MAF1: variants seen among roughly 807,000 people sequenced by gnomAD.
MAF1 encodes the protein MAF1 negative regulator of RNA polymerase III, also known as repressor of RNA polymerase III transcription MAF1 homolog.
In MAF1, 7 loss-of-function variants were observed where a neutral mutation model predicts 31.9. The ratio of observed to expected loss-of-function variants is 0.22; its 90% CI spans 0.12 to 0.41. MAF1 has a LOEUF of 0.41. Among genes scored for constraint, MAF1 ranks in the 10% least tolerant of loss-of-function variants. MAF1 has a pLI of 1.00. For missense variants in MAF1, 221 were observed against 323.1 expected (o/e 0.68, Z 2.42); for synonymous variants, 157 against 120.0 (o/e 1.31, Z -2.02).
At chr8:144,106,987 G>A (rs375768214) in intron 7 of MAF1, 24 bp downstream of exon 7, 33 of 1,545,758 alleles carry the variant, frequency 2.1e-5, no homozygotes, top group Middle Eastern at 1.7e-4. Flanking sequence ...GCCATGACCC[G>A]GGTCCTTGAA....
At chr8:144,105,421 G>A (rs367915936) in intron 1 of MAF1, 1 of 525,560 alleles carries the variant, frequency 1.9e-6, no homozygotes, top group Non-Finnish European at 3.4e-6. Flanking sequence ...TGTTCTGCAG[G>A]GGGTATGGCT....
Position 144,105,529 on chromosome 8 carries a change from A to G in MAF1, c.-44-111A>G, listed in dbSNP as rs1587618253. 8 of 645,188 alleles carry G rather than the reference A, an allele frequency of 1.2e-5. No individual in the cohort carries two copies. The East Asian group carries it at 2.2e-4, about 17-fold the overall frequency. 40.0% of individuals were successfully genotyped at this position (645,188 alleles called of 1,614,324 possible). A position where few individuals can be genotyped will look rare whatever the true frequency, so the allele number is the denominator to read the frequency against. On this transcript the variant is annotated intron_variant, in intron 1 of 7. Coordinates refer to ENST00000322428, the MANE Select transcript of MAF1 (RefSeq NM_032272.5). ...GGAGCTCCTGATGTGCAGCCTGGAC[A>G]GAGGCCAGACTCAGCTTGTTCCTAG...
Position 144,106,914 on chromosome 8 carries a change from A to C in MAF1, c.700A>C (p.Arg234=). Residue 234 remains arginine (R), a synonymous_variant, in exon 7 of 8, where the codon AGA becomes CGA. Transcript: ENST00000322428. ...LGEEEVEEES[R]SGGSGAEETS... ...GGAGGAGGAGGTGGAGGAAGAAAGCAGAAGCGGGGGCAGTGGGGCCGAGGA... is the reference window on the plus strand; with the variant it reads ...GGAGGAGGAGGTGGAGGAAGAAAGCCGAAGCGGGGGCAGTGGGGCCGAGGA... 2.0e-6 allele frequency: 3 copies of C among 1,527,320 alleles called. No homozygotes were observed. The highest frequency in any genetic ancestry group is 2.6e-6 in the Non-Finnish European group (3 of 1,139,932). 94.6% of individuals were successfully genotyped at this position (1,527,320 alleles called of 1,614,324 possible).
At chr8:144,105,795 C>T (rs1377811004) in intron 2 of MAF1, 29 bp downstream of exon 2, 7 of 1,612,472 alleles carry the variant, frequency 4.3e-6, no homozygotes, top group East Asian at 2.2e-5. Flanking sequence ...GCTGGCATCT[C>T]GGAGGTCACA....
chr8:144,107,273 G>A lies in MAF1; in HGVS notation c.*164G>A, dbSNP rs1168004721. 4 of 874,314 alleles carry A rather than the reference G, an allele frequency of 4.6e-6. No individual in the cohort carries two copies. The highest frequency in any genetic ancestry group is 1.5e-5 in the South Asian group (1 of 66,554). The allele number at this position is 874,314 out of a possible 1,614,324, so 54.2% of individuals were successfully genotyped here. ...CTGCCTAGCCCTTTGGCTCCATCCT[G>A]TGGATGCCCACTCACCCCTCAGACT... On this transcript the variant is annotated 3_prime_UTR_variant, in exon 8 of 8. Coordinates refer to ENST00000322428, the MANE Select transcript of MAF1 (RefSeq NM_032272.5).
intron 1 of MAF1, 117 bp from the exon 2 acceptor site, chr8:144,105,523 C>T (rs764610896): frequency 1.3e-4 from 84 of 635,118 alleles, no homozygotes; most frequent in Non-Finnish European, 2.2e-4. Context: ...GATGTGCAGC[C>T]TGGACAGAGG....
rs1836368071 is a variant in MAF1 at position 144,104,498 on chromosome 8, T to G, written c.-405T>G. 1 of 151,966 alleles carries G rather than the reference T, an allele frequency of 6.6e-6. No homozygotes were observed. Among genetic ancestry groups the G allele is most frequent in the South Asian group, 2.1e-4 (1 of 4,824 alleles). 9.4% of individuals were successfully genotyped at this position (151,966 alleles called of 1,614,324 possible). A position where few individuals can be genotyped will look rare whatever the true frequency, so the allele number is the denominator to read the frequency against. ...GGGGCCGGGCCCGGCGGACGCTTGT[T>G]GTTGTCCGGCCGGGGGAGGCGGAGG... is the stretch of plus-strand genomic sequence containing the variant. On this transcript the variant is annotated 5_prime_UTR_variant, in exon 1 of 8. Coordinates refer to ENST00000322428, the MANE Select transcript of MAF1 (RefSeq NM_032272.5).
chr8:144,106,229 C>T lies in MAF1; in HGVS notation c.366C>T (p.Pro122=). The T allele has an allele frequency of 6.2e-7, 1 of 1,613,770 alleles. No individual in the cohort carries two copies. Among genetic ancestry groups the T allele is most frequent in the Non-Finnish European group, 8.5e-7 (1 of 1,180,030 alleles). Residue 122 remains proline (P), a synonymous_variant, in exon 4 of 8, where the codon CCC becomes CCT. Coordinates refer to ENST00000322428, the MANE Select transcript of MAF1 (RefSeq NM_032272.5). The part of the protein sequence containing the change: ...TARSHEFSRE[P]SLSWVVNAVN... ...GCAGCCATGAGTTCAGCCGGGAGCC[C>T]AGCCTTAGCTGGGTGAGGGTCAGGT...
intron 2 of MAF1, 29 bp downstream of exon 2, chr8:144,105,795 C>G: frequency 6.2e-7 from 1 of 1,612,590 alleles, no homozygotes; most frequent in Non-Finnish European, 8.5e-7. Flanking sequence ...GCTGGCATCT[C>G]GGAGGTCACA....
In MAF1 at chr8:144,107,236, C is replaced by T; in HGVS notation, c.*127C>T. The T allele has an allele frequency of 8.1e-7, 1 of 1,234,100 alleles. No individual in the cohort carries two copies. 76.4% of individuals were successfully genotyped at this position (1,234,100 alleles called of 1,614,324 possible). ...GGCGCTGCCACAGTCCTGGCACTGC[C>T]CAAGGCCATACCTGCCTAGCCCTTT... On this transcript the variant is annotated 3_prime_UTR_variant, in exon 8 of 8. Transcript: ENST00000322428.
rs979137367 is a variant in MAF1 at position 144,107,352 on chromosome 8, C to T, written c.*243C>T. ...TCAGCAGGGGGCCTGGTGGGAGGAG[C>T]GACTGCCCTGCCCAAATGAACTGCC... On this transcript the variant is annotated 3_prime_UTR_variant, in exon 8 of 8. Coordinates refer to ENST00000322428, the MANE Select transcript of MAF1 (RefSeq NM_032272.5). The T allele has an allele frequency of 3.8e-5, 23 of 606,698 alleles. No homozygotes were observed. Among genetic ancestry groups the T allele is most frequent in the Non-Finnish European group, 6.4e-5 (22 of 341,276 alleles). 37.6% of individuals were successfully genotyped at this position (606,698 alleles called of 1,614,324 possible).
In MAF1 at chr8:144,107,094, A is replaced by G. The variant is rs1318554794; in HGVS notation, c.756A>G (p.Pro252=). Residue 252 remains proline, a synonymous_variant, in exon 8 of 8, where the codon CCA becomes CCG. Transcript: ENST00000322428. ...ETSTMEEDRV[P]VICI ...TGTGCCAACCTCCGCCCAGGGTCCC[A>G]GTGATCTGTATTTGATGAGGAGGAG... 3 of 1,572,876 alleles carry G rather than the reference A, an allele frequency of 1.9e-6. No individual in the cohort carries two copies. In the Admixed American group the frequency reaches 5.5e-5, roughly 29 times the overall value.
rs1587617519 is a variant in MAF1 at position 144,104,854 on chromosome 8, G to C, written c.-49G>C. On this transcript the variant is annotated 5_prime_UTR_variant, in exon 1 of 8. Coordinates refer to ENST00000322428, the MANE Select transcript of MAF1 (RefSeq NM_032272.5). The stretch of plus-strand genomic sequence containing the variant: ...GGCGCGGCCTGATCTAACCCAGCCA[G>C]GCAGGTGGGTGTCCGCCCTGCGTCC... 6.6e-6 allele frequency: 1 copy of C among 152,294 alleles called. No homozygotes were observed. Among genetic ancestry groups the C allele is most frequent in the Non-Finnish European group, 1.5e-5 (1 of 68,106 alleles). The allele number at this position is 152,294 out of a possible 1,614,324, so 9.4% of individuals were successfully genotyped here.
chr8:144,106,307 C>G, intron 4 of MAF1, 36 bp from the exon 5 acceptor site: 14 of 1,612,726 alleles, frequency 8.7e-6, no homozygotes, highest in Non-Finnish European at 1.2e-5. Flanking sequence ...TTGGGTAGCC[C>G]TGGGCTCCTG....
rs764592105 is a variant in MAF1 at position 144,107,421 on chromosome 8, A to G, written c.*312A>G. The G allele has an allele frequency of 9.9e-5, 57 of 577,786 alleles. No individual in the cohort carries two copies. The highest frequency in any genetic ancestry group is 1.5e-4 in the Non-Finnish European group (50 of 322,714). 35.8% of individuals were successfully genotyped at this position (577,786 alleles called of 1,614,324 possible). ...CCGCAGAGTTTATTTTTGTATTTCT[A>G]CTGGGCCTGCACACTCCAGCCCAAA... On this transcript the variant is annotated 3_prime_UTR_variant, in exon 8 of 8. Transcript: ENST00000322428.
Position 144,105,656 on chromosome 8 carries a change from T to G in MAF1, c.-28T>G, listed in dbSNP as rs1381366323. 1 of 1,603,616 alleles carries G rather than the reference T, an allele frequency of 6.2e-7. No homozygotes were observed. The highest frequency in any genetic ancestry group is 1.3e-5 in the African/African-American group (1 of 74,740). On this transcript the variant is annotated 5_prime_UTR_variant, in exon 2 of 8. Transcript: ENST00000322428. Reference sequence around the variant, plus strand: ...ACTCCCCAGGCAATACTAGCCCCTCTGGAGCACGGAGCTCCTTCCCCAAAG... The same window carrying G: ...ACTCCCCAGGCAATACTAGCCCCTCGGGAGCACGGAGCTCCTTCCCCAAAG...
intron 1 of MAF1, chr8:144,105,428 G>A: frequency 1.8e-6 from 1 of 544,330 alleles, no homozygotes; most frequent in Non-Finnish European, 3.3e-6. Context: ...CAGGGGGTAT[G>A]GCTGACCTGG....
Position 144,106,429 on chromosome 8 carries a change from C to T in MAF1, c.465C>T (p.Asp155=), listed in dbSNP as rs145544925. ...AACCACAGCTGTGGAACGCGGTGGACGAGGAGATCTGCCTGGCTGAATGTG... is the reference window on the plus strand; with the variant it reads ...AACCACAGCTGTGGAACGCGGTGGATGAGGAGATCTGCCTGGCTGAATGTG... ...DLKPQLWNAV[D]EEICLAECDI... is the part of the protein sequence containing the mutation. Residue 155 remains aspartate (D), a synonymous_variant, in exon 5 of 8, where the codon GAC becomes GAT. Coordinates refer to ENST00000322428, the MANE Select transcript of MAF1 (RefSeq NM_032272.5). 3.4e-5 allele frequency: 55 copies of T among 1,613,976 alleles called. No individual in the cohort carries two copies. In the Admixed American group the frequency reaches 4.8e-4, roughly 14 times the overall value.
chr8:144,106,706 C>T, intron 6 of MAF1, 32 bp downstream of exon 6: 1 of 1,603,188 alleles, frequency 6.2e-7, no homozygotes, highest in Non-Finnish European at 8.5e-7. Context: ...CCCCACCTCC[C>T]TGTTGGGCCG....
Sources: gnomAD v4.1 joint callset for allele counts on GRCh38, gnomAD v4.1.1 for gene constraint, MANE v1.5 for transcripts, NCBI Gene and HGNC (gene_info 2026-07-23, HGNC 2026-07-21) for gene names.